Variants in ASCC2 observed in about 807,000 individuals in gnomAD.
The protein encoded by ASCC2 is activating signal cointegrator 1 complex subunit 2.
In ASCC2, 42 loss-of-function variants were observed where a neutral mutation model predicts 93.5. That is an observed-to-expected ratio of 0.45 (90% CI 0.35 to 0.58). ASCC2 has a LOEUF of 0.58. Among genes scored for constraint, ASCC2 ranks in the 20% least tolerant of loss-of-function variants. The probability of loss-of-function intolerance (pLI) is 0.00; values close to 1 mark genes in which losing one functional copy is unlikely to be tolerated. For synonymous variants in ASCC2, 364 were observed against 384.2 expected, an observed-to-expected ratio of 0.95 and a Z score of 0.62; for missense variants, 859 against 977.6, an observed-to-expected ratio of 0.88 and a Z score of 1.62.
At chr22:29,800,502 A>C (rs2058959063) in intron 15 of ASCC2, among the ~76,000 whole-genome samples, 1 of 152,244 alleles carries the variant, frequency 6.6e-6, no homozygotes, top group Non-Finnish European at 1.5e-5. Flanking sequence ...ATAAATGGAT[A>C]AATCATGAAC....
intron 8 of ASCC2, 124 bp from the exon 9 acceptor site, chr22:29,808,309 GA>G: frequency 5.0e-6 from 5 of 1,008,306 alleles, no homozygotes; most frequent in Non-Finnish European, 7.4e-6. Context: ...TTTCTCCAGG[GA>G]CCCCTTGGTT....
chr22:29,804,584 G>C (rs1601918018), intron 13 of ASCC2, 54 bp downstream of exon 13: 1 of 1,579,082 alleles, frequency 6.3e-7, no homozygotes, highest in East Asian at 2.3e-5. Flanking sequence ...CAGCCTCTCA[G>C]ATAGGGCCAA....
intron 15 of ASCC2, among the ~76,000 whole-genome samples, chr22:29,794,316 A>AC (rs950178792): frequency 3.4e-4 from 51 of 151,074 alleles, no homozygotes; most frequent in African/African-American, 1.1e-3. Flanking sequence ...AGATGGTGAA[A>AC]CCCCGTCTCT....
chr22:29,789,296 G>T, intron 19 of ASCC2, 112 bp from the exon 20 acceptor site: 1 of 1,276,634 alleles, frequency 7.8e-7, no homozygotes, highest in African/African-American at 1.5e-5. Context: ...ACTGGGCCTG[G>T]TCACTCATGT....
At chr22:29,827,005 G>C (rs1012963944) in intron 2 of ASCC2, among the ~76,000 whole-genome samples, 6 of 145,772 alleles carry the variant, frequency 4.1e-5, no homozygotes, top group Non-Finnish European at 8.9e-5. Flanking sequence ...GGCTGAGGCA[G>C]AAGAACGGCG....
chr22:29,798,568 T>A (rs939934106), intron 15 of ASCC2, among the ~76,000 whole-genome samples: 1 of 152,228 alleles, frequency 6.6e-6, no homozygotes, highest in African/African-American at 2.4e-5. Flanking sequence ...CGCCTTGTCA[T>A]GCAAGGGAAC....
intron 5 of ASCC2, among the ~76,000 whole-genome samples, chr22:29,820,478 A>G (rs2061421798): frequency 6.6e-6 from 1 of 152,060 alleles, no homozygotes; most frequent in Admixed American, 6.6e-5. Context: ...TTTCATATAC[A>G]TTATGATCAA....
chr22:29,792,601 A>G, intron 17 of ASCC2, 66 bp from the exon 18 acceptor site: 1 of 1,601,226 alleles, frequency 6.2e-7, no homozygotes, highest in Non-Finnish European at 8.5e-7. Context: ...CACAAGGAGG[A>G]GGGAACCTGG....
intron 2 of ASCC2, among the ~76,000 whole-genome samples, chr22:29,826,393 G>A (rs188037860): frequency 4.2e-4 from 64 of 151,870 alleles, no homozygotes; most frequent in African/African-American, 1.4e-3. Context: ...CTTGGCTCAC[G>A]GCAGCCTCTA....
chr22:29,824,121 T>G (rs1202394759), intron 4 of ASCC2, among the ~76,000 whole-genome samples: 1 of 151,874 alleles, frequency 6.6e-6, no homozygotes, highest in African/African-American at 2.4e-5. Context: ...CTCAGGAGTT[T>G]GAGGCTGCAG....
chr22:29,790,086 G>C (rs1037949348), intron 19 of ASCC2, among the ~76,000 whole-genome samples: 1 of 152,178 alleles, frequency 6.6e-6, no homozygotes, highest in Admixed American at 6.5e-5. Flanking sequence ...GAAAGGATGT[G>C]TCTGTGTCTG....
chr22:29,836,379 C>CAAAAAAAAAA (rs999851531), intron 1 of ASCC2: 1 of 35,496 alleles, frequency 2.8e-5, no homozygotes, highest in Admixed American at 3.6e-4. Flanking sequence ...GACTCCATCT[C>CAAAAAAAAAA]AAAAAAAAAA....
At chr22:29,800,131 G>A (rs764283777) in intron 15 of ASCC2, among the ~76,000 whole-genome samples, 5 of 152,166 alleles carry the variant, frequency 3.3e-5, no homozygotes, top group Non-Finnish European at 7.3e-5. Context: ...TCGGTTCATG[G>A]GACCCTTTGC....
At chr22:29,835,569 A>T (rs2148440584) in intron 1 of ASCC2, among the ~76,000 whole-genome samples, 1 of 152,168 alleles carries the variant, frequency 6.6e-6, no homozygotes, top group Admixed American at 6.5e-5. Flanking sequence ...CCATGTTGAG[A>T]CCTTGAGACA....
chr22:29,837,587 G>A (rs982650325), intron 1 of ASCC2, among the ~76,000 whole-genome samples: 1 of 152,202 alleles, frequency 6.6e-6, no homozygotes, highest in Non-Finnish European at 1.5e-5. Context: ...CTCCCTACAA[G>A]CACCCAATTG....
At chr22:29,790,386 C>T (rs552323552) in intron 19 of ASCC2, 83 bp downstream of exon 19, 435 of 1,384,396 alleles carry the variant, frequency 3.1e-4, no homozygotes, top group Admixed American at 1.6e-3. Flanking sequence ...TTAGGGTGTA[C>T]GTGTGGGTTT....
chr22:29,810,428 A>C (rs943264283), intron 8 of ASCC2: 1 of 152,232 alleles, frequency 6.6e-6, no homozygotes, highest in Non-Finnish European at 1.5e-5. Flanking sequence ...GGCAATGTCT[A>C]TCCTACTACA....
rs775333901 is a variant in ASCC2, at chr22:29,825,117, G to A, written c.381C>T (p.Phe127=). The change falls in exon 4 of 20, where the codon TTC becomes TTT. Residue 127 remains phenylalanine, a synonymous_variant. Coordinates refer to ENST00000307790, the MANE Select transcript of ASCC2 (RefSeq NM_032204.5). The surrounding 1 kb of genome is among the most constrained non-coding windows in gnomAD (Gnocchi z 4.9). ...ATTCCTTGTGAGTGGACATGCGGAGGAAGGTGAGAAAAACACTTCGATGGA... is the reference window on the plus strand; with the variant it reads ...ATTCCTTGTGAGTGGACATGCGGAGAAAGGTGAGAAAAACACTTCGATGGA... ...KRLHRSVFLT[F]LRMSTHKESK... 6 of 1,522,222 alleles carry A rather than the reference G, an allele frequency of 3.9e-6. 1 individual carries two copies. Among genetic ancestry groups the A allele is most frequent in the South Asian group, 3.9e-5 (3 of 77,450 alleles). 94.3% of individuals were successfully genotyped at this position (1,522,222 alleles called of 1,614,324 possible). A position where few individuals can be genotyped will look rare whatever the true frequency, so the allele number is the denominator to read the frequency against.
intron 15 of ASCC2, among the ~76,000 whole-genome samples, 169 bp downstream of exon 15, chr22:29,800,822 T>C (rs566983926): frequency 1.3e-5 from 2 of 152,278 alleles, no homozygotes; most frequent in African/African-American, 4.8e-5. Flanking sequence ...GCCTGATCAG[T>C]AGAGAACCTG....
Sources: gnomAD v4.1 joint callset for allele counts (sites outside exome capture counted in the v4.1 genomes callset) on GRCh38, gnomAD v4.1.1 for gene constraint, Gnocchi (gnomAD v3.1) non-coding constraint, MANE v1.5 for transcripts, NCBI Gene and HGNC (gene_info 2026-07-23, HGNC 2026-07-21) for gene names.